The following MYH10 variants were observed in gnomAD, a reference collection of about 807,000 sequenced individuals.
The protein encoded by MYH10 is myosin-10.
MYH10 carries 55 observed loss-of-function variants against 257.8 expected under a neutral mutation model. The observed-to-expected ratio is 0.21, with a 90% confidence interval of 0.17 to 0.27. The LOEUF is 0.27. Among genes scored for constraint, MYH10 ranks in the 10% least tolerant of loss-of-function variants. The pLI is 1.00. For missense variants in MYH10, 1,631 were observed against 2,500.6 expected (o/e 0.65, Z 7.42); for synonymous variants, 854 against 921.7 (o/e 0.93, Z 1.33).
intron 1 of MYH10, chr17:8,623,502 G>A: frequency 7.3e-6 from 2 of 272,546 alleles, no homozygotes; most frequent in Non-Finnish European, 1.3e-5. Flanking sequence ...CAGTTACTGA[G>A]GGCAAAAAAA....
intron 2 of MYH10, among the ~76,000 whole-genome samples, chr17:8,612,257 T>C (rs925283035): frequency 2.6e-5 from 4 of 151,712 alleles, no homozygotes; most frequent in Middle Eastern, 3.4e-3. Flanking sequence ...AATTCTGATA[T>C]GCCAAAGAGA....
intron 3 of MYH10, among the ~76,000 whole-genome samples, chr17:8,598,033 T>C (rs1192255919): frequency 6.6e-6 from 1 of 151,886 alleles, no homozygotes; most frequent in South Asian, 2.1e-4. Context: ...CAGGCTGGAG[T>C]GCAGTGGGCG....
At chr17:8,478,240 G>T (rs1047152324) in intron 41 of MYH10, 98 bp downstream of exon 41, 1 of 1,029,272 alleles carries the variant, frequency 9.7e-7, no homozygotes, top group South Asian at 1.4e-5. Context: ...CATCAGAATC[G>T]GGAGGGCCCT....
chr17:8,495,130 G>A lies in MYH10; in HGVS notation c.4056+7C>T. 1 of 1,543,850 alleles carries A rather than the reference G, an allele frequency of 6.5e-7. No homozygotes were observed. The highest frequency in any genetic ancestry group is 9.0e-7 in the Non-Finnish European group (1 of 1,116,382). On this transcript the variant is annotated splice_region_variant and intron_variant, in intron 31 of 42. Coordinates refer to ENST00000360416, the MANE Select transcript of MYH10 (RefSeq NM_001256012.3). ...ATTATAAAGACCCCTTGCTCCCCAGGGAATACCTGTGTATCCTGTAGTTGA... is the reference window on the plus strand; with the variant it reads ...ATTATAAAGACCCCTTGCTCCCCAGAGAATACCTGTGTATCCTGTAGTTGA...
Position 8,520,946 on chromosome 17 carries a change from G to T in MYH10, c.2205C>A (p.Val735=). The change falls in exon 19 of 43, where the codon GTC becomes GTA. Residue 735 remains valine (V), a synonymous_variant. Transcript: ENST00000360416. ...LVLDQLRCNG[V]LEGIRICRQG... is the part of the protein sequence containing the mutation. The stretch of plus-strand genomic sequence containing the variant: ...GGCGACAGATTCGGATCCCTTCCAG[G>T]ACACCGTTACAGCGAAGCTGATCTA... The T allele has an allele frequency of 6.2e-7, 1 of 1,613,878 alleles. No homozygotes were observed. Among genetic ancestry groups the T allele is most frequent in the Non-Finnish European group, 8.5e-7 (1 of 1,179,802 alleles).
At chr17:8,501,237 G>A (rs1214693984) in intron 28 of MYH10, among the ~76,000 whole-genome samples, 4 of 152,036 alleles carry the variant, frequency 2.6e-5, no homozygotes, top group Admixed American at 2.6e-4. Flanking sequence ...AGGCTACAAT[G>A]AGCTATGATT....
At chr17:8,597,763 C>T (rs1035698979) in intron 3 of MYH10, among the ~76,000 whole-genome samples, 16 of 133,366 alleles carry the variant, frequency 1.2e-4, no homozygotes, top group East Asian at 4.5e-4. Flanking sequence ...TACAGGTGCC[C>T]GCCACCAGGC....
intron 2 of MYH10, among the ~76,000 whole-genome samples, chr17:8,618,640 C>A (rs1009887126): frequency 3.3e-5 from 5 of 152,160 alleles, no homozygotes; most frequent in Non-Finnish European, 7.3e-5. Context: ...GTTTACCTTG[C>A]GTATTGAACA....
intron 3 of MYH10, among the ~76,000 whole-genome samples, chr17:8,594,854 G>C (rs35104912): frequency 0.016 from 2,511 of 152,244 alleles, 37 homozygotes; most frequent in Non-Finnish European, 0.024. Context: ...GTATTGTTTA[G>C]GGAATAATGA....
intron 34 of MYH10, among the ~76,000 whole-genome samples, 174 bp downstream of exon 34, chr17:8,492,123 G>A (rs555541699): frequency 1.1e-4 from 16 of 152,334 alleles, no homozygotes; most frequent in African/African-American, 3.6e-4. Context: ...AGTCCCAGAA[G>A]ACCTGAACCC....
intron 14 of MYH10, 42 bp downstream of exon 14, chr17:8,542,065 T>C: frequency 6.4e-7 from 1 of 1,573,050 alleles, no homozygotes; most frequent in Non-Finnish European, 8.7e-7. Context: ...GGTCACTGCT[T>C]GAGTGGAAAA....
Position 8,480,271 on chromosome 17 carries a change from C to T in MYH10, c.5436G>A (p.Gln1812=), listed in dbSNP as rs1357231690. 6.2e-7 allele frequency: 1 copy of T among 1,614,148 alleles called. No homozygotes were observed. The highest frequency in any genetic ancestry group is 1.1e-5 in the South Asian group (1 of 91,088). Reference sequence around the variant, plus strand: ...GTTGCTGGCGTGCATTGTCACTCTTCTGGGCGGCGCTGCGCTCGGCTGCTA... The same window carrying T: ...GTTGCTGGCGTGCATTGTCACTCTTTTGGGCGGCGCTGCGCTCGGCTGCTA... ...AELAAERSAA[Q]KSDNARQQLE... Residue 1812 remains glutamine, a synonymous_variant, in exon 40 of 43, where the codon CAG becomes CAA. Coordinates refer to ENST00000360416, the MANE Select transcript of MYH10 (RefSeq NM_001256012.3).
rs935477334 is a variant in MYH10, at chr17:8,480,309, G to A, written c.5398C>T (p.Leu1800=). ...CGCTCGGCTGCTAGCTCGGCGTTCAGTGTGTCCACCTAGAGAGGAGAGAGG... is the reference window on the plus strand; with the variant it reads ...CGCTCGGCTGCTAGCTCGGCGTTCAATGTGTCCACCTAGAGAGGAGAGAGG... The part of the protein sequence containing the change: ...FRKTTLQVDT[L]NAELAAERSA... The change falls in exon 40 of 43, where the codon CTG becomes TTG. Residue 1800 remains leucine, a synonymous_variant. Transcript: ENST00000360416. The A allele has an allele frequency of 1.2e-6, 2 of 1,614,102 alleles. No individual in the cohort carries two copies. Among genetic ancestry groups the A allele is most frequent in the South Asian group, 1.1e-5 (1 of 91,084 alleles).
chr17:8,556,219 C>T (rs1014811269), intron 7 of MYH10, among the ~76,000 whole-genome samples: 16 of 152,334 alleles, frequency 1.1e-4, no homozygotes, highest in Non-Finnish European at 2.4e-4. Flanking sequence ...TTTCTCACGG[C>T]GTCAAACACA....
At chr17:8,567,563 G>A (rs551068689) in intron 7 of MYH10, among the ~76,000 whole-genome samples, 39 of 152,128 alleles carry the variant, frequency 2.6e-4, no homozygotes, top group Non-Finnish European at 3.8e-4. Context: ...GGTCTTTAAA[G>A]AAGTCATTAC....
intron 16 of MYH10, among the ~76,000 whole-genome samples, chr17:8,534,911 A>G (rs2082097820): frequency 1.3e-5 from 2 of 152,252 alleles, no homozygotes; most frequent in Admixed American, 6.5e-5. Context: ...AACTATGAGG[A>G]CTGATGGAAA....
intron 38 of MYH10, 57 bp from the exon 39 acceptor site, chr17:8,480,582 C>T (rs1418516587): frequency 2.5e-6 from 4 of 1,594,020 alleles, no homozygotes; most frequent in Admixed American, 1.7e-5. Context: ...GCACAGGAGC[C>T]TCAGGGAAGG....
chr17:8,596,222 G>A (rs2084366142), intron 3 of MYH10, among the ~76,000 whole-genome samples: 1 of 149,914 alleles, frequency 6.7e-6, no homozygotes, highest in African/African-American at 2.5e-5. Flanking sequence ...GCGCGATCTT[G>A]GCTCACTGAA....
chr17:8,617,879 CATATAAA>C (rs2085327227), intron 2 of MYH10, among the ~76,000 whole-genome samples: 2 of 152,096 alleles, frequency 1.3e-5, no homozygotes, highest in African/African-American at 4.8e-5. Context: ...CCTTTTGTTT[CATATAAA>C]ATATAAAGTT....
Sources: allele counts gnomAD v4.1 joint callset (sites outside exome capture counted in the v4.1 genomes callset), GRCh38; gene constraint gnomAD v4.1.1; transcripts MANE v1.5; gene names NCBI Gene and HGNC (gene_info 2026-07-23, HGNC 2026-07-21).